The following DIAPH1 variants were observed in gnomAD, a reference collection of about 807,000 sequenced individuals.
The protein encoded by DIAPH1 is protein diaphanous homolog 1.
A neutral mutation model predicts 140.7 loss-of-function variants in DIAPH1; 46 were observed. That is an observed-to-expected ratio of 0.33 (90% CI 0.26 to 0.42). The LOEUF is 0.42. DIAPH1 is among the 10% of genes least tolerant of loss of function. The pLI is 1.00. For synonymous variants in DIAPH1, 565 were observed against 551.6 expected, an observed-to-expected ratio of 1.02 and a Z score of -0.34; for missense variants, 1,310 against 1,558.7, an observed-to-expected ratio of 0.84 and a Z score of 2.69.
intron 2 of DIAPH1, 98 bp from the exon 3 acceptor site, chr5:141,587,295 G>A (rs2154596698): frequency 1.6e-6 from 2 of 1,220,200 alleles, no homozygotes; most frequent in East Asian, 2.5e-5. Context: ...ACACAGGCAT[G>A]GTTCCTCTGG....
chr5:141,517,578 C>T (rs1392191217), intron 27 of DIAPH1, among the ~76,000 whole-genome samples: 1 of 152,056 alleles, frequency 6.6e-6, no homozygotes, highest in African/African-American at 2.4e-5. Flanking sequence ...CAACAGATGC[C>T]CACATGCCTT....
At chr5:141,552,868 C>G (rs1267325358) in intron 18 of DIAPH1, among the ~76,000 whole-genome samples, 2 of 152,138 alleles carry the variant, frequency 1.3e-5, no homozygotes, top group African/African-American at 4.8e-5. Context: ...ATGAAACTTG[C>G]TAACACCTTG....
At chr5:141,606,697 T>C (rs2099901026) in intron 1 of DIAPH1, among the ~76,000 whole-genome samples, 1 of 152,192 alleles carries the variant, frequency 6.6e-6, no homozygotes, top group South Asian at 2.1e-4. Flanking sequence ...TTGATAGCCT[T>C]ACACTATGTA....
In DIAPH1 at chr5:141,573,787, G is replaced by A. The variant is rs775146972; in HGVS notation, c.2063C>T (p.Pro688Leu). 2.9e-5 allele frequency: 37 copies of A among 1,255,198 alleles called. No individual in the cohort carries two copies. Among genetic ancestry groups the A allele is most frequent in the Non-Finnish European group, 3.9e-5 (37 of 948,716 alleles). The allele number at this position is 1,255,198 out of a possible 1,614,324, so 77.8% of individuals were successfully genotyped here. Reference sequence around the variant, plus strand: ...CCCAGGCAAAGGAGGTGGTGGTGGGGGGATTCTAGCACTCCCAGGCAAAGG... The same window carrying A: ...CCCAGGCAAAGGAGGTGGTGGTGGGAGGATTCTAGCACTCCCAGGCAAAGG... Reference protein sequence around the residue: ...PPPLPGSARIPPPPPPLPGSA... With the variant: ...PPPLPGSARILPPPPPLPGSA... The change falls in exon 16 of 28, where the codon CCC (proline) becomes CTC (leucine). Residue 688 changes from proline to leucine, a missense_variant. Around this residue, in one of 3 missense-constraint regions of DIAPH1, gnomAD observed 589 missense variants for 549.3 expected, o/e 1.07. Transcript: ENST00000389054.
At chr5:141,569,485 G>A (rs972110282) in intron 18 of DIAPH1, among the ~76,000 whole-genome samples, 2 of 152,088 alleles carry the variant, frequency 1.3e-5, no homozygotes, top group Admixed American at 6.6e-5. Context: ...AAGGATGGCC[G>A]GGCACAGTGG....
rs556481200 is a variant in DIAPH1 at position 141,552,566 on chromosome 5, A to G, written c.2483-18133T>C. ...TCTTTAGAGCCTCCAGAAGGAATAC[A>G]GCCCTGCCAACATTTCGATTTTAGA... On this transcript the variant is annotated intron_variant, in intron 18 of 27. Coordinates refer to ENST00000389054, the MANE Select transcript of DIAPH1 (RefSeq NM_005219.5). Among the ~76,000 whole-genome samples, 270 of 152,350 alleles carry G rather than the reference A, an allele frequency of 1.8e-3. 1 individual carries two copies. The Middle Eastern group carries it at 0.02, about 12-fold the overall frequency.
chr5:141,517,032 T>C lies in DIAPH1; in HGVS notation c.3662-24A>G, dbSNP rs72790081. ...GGCTGCAAGAGAAGACGAGAGATTC[T>C]GTCTATGGAAGGCCTCATTTCTAAT... On this transcript the variant is annotated intron_variant, in intron 27 of 27. Coordinates refer to ENST00000389054, the MANE Select transcript of DIAPH1 (RefSeq NM_005219.5). 25,560 of 1,613,852 alleles carry C rather than the reference T, an allele frequency of 0.016. 238 individuals are homozygous for C. Among genetic ancestry groups the C allele is most frequent in the Non-Finnish European group, 0.019 (22,777 of 1,179,880 alleles).
At chr5:141,614,999 T>C (rs1486576468) in intron 1 of DIAPH1, among the ~76,000 whole-genome samples, 1 of 152,236 alleles carries the variant, frequency 6.6e-6, no homozygotes, top group Non-Finnish European at 1.5e-5. Context: ...TCCTTTAATT[T>C]GTCTCCTTTT....
rs1029729890 is a variant in DIAPH1 at position 141,565,973 on chromosome 5, T to C, written c.2482+5455A>G. Among the ~76,000 whole-genome samples the C allele has an allele frequency of 3.9e-5, 6 of 152,192 alleles. No individual in the cohort carries two copies. Among genetic ancestry groups the C allele is most frequent in the Admixed American group, 1.3e-4 (2 of 15,266 alleles). On this transcript the variant is annotated intron_variant, in intron 18 of 27. Transcript: ENST00000389054. This position sits in a 1 kb window ranked among gnomAD's most constrained non-coding sequence, Gnocchi z 4.3. ...ACAGAAAAGGAATTAACCGGGATTG[T>C]GGTTTTGCCAATCGAGTATGAAATG...
chr5:141,559,649 T>C (rs938477748), intron 18 of DIAPH1, among the ~76,000 whole-genome samples: 1 of 152,150 alleles, frequency 6.6e-6, no homozygotes, highest in Non-Finnish European at 1.5e-5. Flanking sequence ...CCACAGATAC[T>C]TTCCCAGCAC....
At chr5:141,557,962 G>C (rs1346358806) in intron 18 of DIAPH1, 1 of 152,132 alleles carries the variant, frequency 6.6e-6, no homozygotes, top group Non-Finnish European at 1.5e-5. Context: ...AGTTAGCTGG[G>C]AGCAAAAACA....
At chr5:141,525,888 A>G (rs1427434873) in intron 26 of DIAPH1, 150 bp downstream of exon 26, 2 of 1,250,990 alleles carry the variant, frequency 1.6e-6, no homozygotes, top group Admixed American at 3.4e-5. Context: ...AATTGGGGTT[A>G]AAGTCCGGCA....
chr5:141,525,948 C>G lies in DIAPH1; in HGVS notation c.3574+90G>C, dbSNP rs536123403. On this transcript the variant is annotated intron_variant, in intron 26 of 27. Coordinates refer to ENST00000389054, the MANE Select transcript of DIAPH1 (RefSeq NM_005219.5). Reference sequence around the variant, plus strand: ...CAAAAATCATTTGCCAGGAGGTGAGCTCAGACATGAGACTCTGCCTCTAGA... The same window carrying G: ...CAAAAATCATTTGCCAGGAGGTGAGGTCAGACATGAGACTCTGCCTCTAGA... 7.5e-6 allele frequency: 12 copies of G among 1,599,450 alleles called. No individual in the cohort carries two copies. The East Asian group carries it at 2.7e-4, about 36-fold the overall frequency.
At chr5:141,530,003 G>C (rs1253788187) in intron 19 of DIAPH1, among the ~76,000 whole-genome samples, 1 of 152,120 alleles carries the variant, frequency 6.6e-6, no homozygotes, top group Non-Finnish European at 1.5e-5. Flanking sequence ...AGGATCACCT[G>C]AGCCCAGGAG....
intron 18 of DIAPH1, among the ~76,000 whole-genome samples, chr5:141,556,002 T>C (rs966783951): frequency 1.3e-5 from 2 of 152,160 alleles, no homozygotes; most frequent in African/African-American, 4.8e-5. Context: ...TGCCCTTCCC[T>C]TGGGCAAGGG....
At chr5:141,602,887 T>C (rs1406698085) in intron 1 of DIAPH1, among the ~76,000 whole-genome samples, 2 of 152,094 alleles carry the variant, frequency 1.3e-5, no homozygotes, top group Non-Finnish European at 2.9e-5. Context: ...TCATCTAGCA[T>C]TTACAGAGAA....
In DIAPH1 at chr5:141,583,925, T is replaced by C. The variant is rs1178106608; in HGVS notation, c.402+199A>G. Among the ~76,000 whole-genome samples the C allele has an allele frequency of 2.0e-5, 3 of 152,238 alleles. No homozygotes were observed. The East Asian group carries it at 5.8e-4, about 29-fold the overall frequency. ...GCCTATCCCATTCCCTATATTTACA[T>C]ACTTCATGAAAATTTAACCAGGCAA... On this transcript the variant is annotated intron_variant, in intron 4 of 27. Transcript: ENST00000389054.
chr5:141,585,957 T>C (rs1428193163), intron 3 of DIAPH1, among the ~76,000 whole-genome samples: 1 of 152,222 alleles, frequency 6.6e-6, no homozygotes, highest in Non-Finnish European at 1.5e-5. Context: ...TTTTTTAAAA[T>C]TACGGATTGC....
intron 24 of DIAPH1, 42 bp from the exon 25 acceptor site, chr5:141,526,503 C>A: frequency 1.2e-6 from 2 of 1,612,524 alleles, no homozygotes; most frequent in Non-Finnish European, 1.7e-6. Flanking sequence ...GACCAAGAAG[C>A]AGACCCACTT....
Sources: gnomAD v4.1 joint callset for allele counts (sites outside exome capture counted in the v4.1 genomes callset) on GRCh38, gnomAD v4.1.1 for gene constraint, gnomAD v4.1.1 regional missense constraint, Gnocchi (gnomAD v3.1) non-coding constraint, MANE v1.5 for transcripts, NCBI Gene and HGNC (gene_info 2026-07-23, HGNC 2026-07-21) for gene names.